The following PTPRT variants were observed in gnomAD, a reference collection of about 807,000 sequenced individuals.
PTPRT encodes receptor-type tyrosine-protein phosphatase T.
Under a neutral mutation model 176.8 loss-of-function variants are expected in PTPRT, and 56 were observed. That is an observed-to-expected ratio of 0.32 (90% CI 0.26 to 0.40). PTPRT has a LOEUF of 0.40. Among genes scored for constraint, PTPRT ranks in the 10% least tolerant of loss-of-function variants. The pLI is 1.00. For missense variants in PTPRT, 1,540 were observed against 1,908.2 expected, an observed-to-expected ratio of 0.81 and a Z score of 3.60; for synonymous variants, 783 against 739.0, an observed-to-expected ratio of 1.06 and a Z score of -0.96.
chr20:42,201,057 G>A (rs1481373240), intron 15 of PTPRT, among the ~76,000 whole-genome samples: 1 of 152,252 alleles, frequency 6.6e-6, no homozygotes, highest in Non-Finnish European at 1.5e-5. Context: ...GCTCATGCCT[G>A]TAATCCCAGC....
chr20:42,584,399 C>G (rs565280609), intron 7 of PTPRT, among the ~76,000 whole-genome samples: 1 of 152,154 alleles, frequency 6.6e-6, no homozygotes, highest in East Asian at 1.9e-4. Flanking sequence ...TCCCACCTCA[C>G]GGCATTTGCA....
At chr20:43,091,189 C>T (rs575710041) in intron 1 of PTPRT, among the ~76,000 whole-genome samples, 2 of 151,984 alleles carry the variant, frequency 1.3e-5, no homozygotes, top group Non-Finnish European at 2.9e-5. Context: ...GCCAAGATGG[C>T]GCCACTGCAC....
At position 42,294,499 on chromosome 20, in the gene PTPRT, A is replaced by G. The variant is rs2057360384; in HGVS notation, c.2140-11974T>C. Among the ~76,000 whole-genome samples the G allele has an allele frequency of 2.0e-5, 3 of 152,120 alleles. No homozygotes were observed. The South Asian group carries it at 6.2e-4, about 31-fold the overall frequency. On this transcript the variant is annotated intron_variant, in intron 12 of 30. Transcript: ENST00000373187. ...CCATTCCCTATGACATACACACAAA[A>G]TCATCGACTGAAAAAAATACCTGTA...
At chr20:42,649,901 T>A (rs2074998234) in intron 7 of PTPRT, among the ~76,000 whole-genome samples, 1 of 152,072 alleles carries the variant, frequency 6.6e-6, no homozygotes, top group South Asian at 2.1e-4. Context: ...TTGCCTCAGG[T>A]CTATGTTATC....
At chr20:43,030,099 C>A (rs1271344320) in intron 1 of PTPRT, among the ~76,000 whole-genome samples, 2 of 152,194 alleles carry the variant, frequency 1.3e-5, no homozygotes, top group African/African-American at 2.4e-5. Flanking sequence ...CTTCCTTTTT[C>A]TCTTTTTTTC....
intron 27 of PTPRT, among the ~76,000 whole-genome samples, chr20:42,097,854 G>A (rs1425626444): frequency 1.3e-5 from 2 of 152,234 alleles, no homozygotes; most frequent in African/African-American, 4.8e-5. Context: ...TGAGTATGGG[G>A]ATATGCTGTA....
intron 1 of PTPRT, among the ~76,000 whole-genome samples, chr20:43,041,676 G>A (rs1325730947): frequency 6.6e-6 from 1 of 152,226 alleles, no homozygotes; most frequent in African/African-American, 2.4e-5. Flanking sequence ...AGCAAATGTG[G>A]TGTTTACTGT....
rs1467854201 is a variant in PTPRT, at chr20:42,077,094, C to A, written c.*3785G>T. On this transcript the variant is annotated 3_prime_UTR_variant, in exon 31 of 31. Transcript: ENST00000373187. Reference sequence around the variant, plus strand: ...TCAGTAAATGGTGACAATCACAAACCCTCCTTTAGAATGCTGGAAGAATTT... The same window carrying A: ...TCAGTAAATGGTGACAATCACAAACACTCCTTTAGAATGCTGGAAGAATTT... 1.6e-5 allele frequency: 3 copies of A among 182,724 alleles called. No individual in the cohort carries two copies. The highest frequency in any genetic ancestry group is 3.5e-5 in the Non-Finnish European group (3 of 85,916). 11.3% of individuals were successfully genotyped at this position (182,724 alleles called of 1,614,324 possible).
At chr20:42,474,649 C>A (rs2071255833) in intron 7 of PTPRT, among the ~76,000 whole-genome samples, 1 of 152,172 alleles carries the variant, frequency 6.6e-6, no homozygotes, top group African/African-American at 2.4e-5. Flanking sequence ...AATGTGGTCC[C>A]TGTAGCTGGG....
the PTPRT span, chr20:42,063,653 G>T: frequency 6.6e-6 from 1 of 152,106 alleles, no homozygotes; most frequent in Non-Finnish European, 1.5e-5. Flanking sequence ...TTCTTAATCA[G>T]GTAAAGCATT....
At chr20:43,013,625 C>T (rs1467060079) in intron 1 of PTPRT, among the ~76,000 whole-genome samples, 3 of 152,178 alleles carry the variant, frequency 2.0e-5, no homozygotes, top group Non-Finnish European at 4.4e-5. Context: ...ACAGAGACAA[C>T]AGCAATTCAC....
chr20:42,996,092 T>C (rs898088050), intron 1 of PTPRT, among the ~76,000 whole-genome samples: 2 of 152,144 alleles, frequency 1.3e-5, no homozygotes, highest in Non-Finnish European at 2.9e-5. Flanking sequence ...CATGTCATGG[T>C]AGAACACAGG....
intron 2 of PTPRT, among the ~76,000 whole-genome samples, chr20:42,852,046 C>T (rs1227041060): frequency 1.3e-5 from 2 of 152,156 alleles, no homozygotes; most frequent in African/African-American, 4.8e-5. Context: ...ATTTCACTAG[C>T]CACTAAATTG....
Position 43,189,778 on chromosome 20 carries a change from G to A in PTPRT, c.-45C>T. 2 of 1,071,846 alleles carry A rather than the reference G, an allele frequency of 1.9e-6. No individual in the cohort carries two copies. Among genetic ancestry groups the A allele is most frequent in the Non-Finnish European group, 2.3e-6 (2 of 877,740 alleles). 66.4% of individuals were successfully genotyped at this position (1,071,846 alleles called of 1,614,324 possible). A position where few individuals can be genotyped will look rare whatever the true frequency, so the allele number is the denominator to read the frequency against. The stretch of plus-strand genomic sequence containing the variant: ...TCAGCCCCTTCCCGCGGGGGCCGGG[G>A]CCGGGACTGGGGCGGGCGCGGGGTG... On this transcript the variant is annotated 5_prime_UTR_variant, in exon 1 of 31. Coordinates refer to ENST00000373187, the MANE Select transcript of PTPRT (RefSeq NM_007050.6). This position sits in a 1 kb window ranked among gnomAD's most constrained non-coding sequence, Gnocchi z 5.0.
chr20:42,435,579 C>G (rs932156101), intron 9 of PTPRT, among the ~76,000 whole-genome samples: 2 of 152,082 alleles, frequency 1.3e-5, no homozygotes, highest in Non-Finnish European at 2.9e-5. Flanking sequence ...GTCTTTCAGA[C>G]CTAAGGTAGC....
intron 1 of PTPRT, among the ~76,000 whole-genome samples, chr20:43,105,567 A>G (rs2012569712): frequency 6.6e-6 from 1 of 152,038 alleles, no homozygotes; most frequent in African/African-American, 2.4e-5. Flanking sequence ...TACCTGGCTA[A>G]TTTTTGTATT....
intron 22 of PTPRT, among the ~76,000 whole-genome samples, chr20:42,110,998 C>T (rs557170512): frequency 6.6e-6 from 1 of 152,286 alleles, no homozygotes; most frequent in African/African-American, 2.4e-5. Context: ...GTACTGACTT[C>T]TTTATTAAGT....
intron 6 of PTPRT, among the ~76,000 whole-genome samples, chr20:42,702,670 T>C (rs1414930260): frequency 6.6e-6 from 1 of 152,140 alleles, no homozygotes; most frequent in Non-Finnish European, 1.5e-5. Flanking sequence ...ATTGTAAAGA[T>C]CCACAGCCCT....
chr20:42,266,818 C>T (rs1282640887), intron 13 of PTPRT, among the ~76,000 whole-genome samples: 1 of 152,176 alleles, frequency 6.6e-6, no homozygotes, highest in Non-Finnish European at 1.5e-5. Context: ...ACCTCTTGAT[C>T]TGCACTGCCC....
Sources: allele counts gnomAD v4.1 joint callset (sites outside exome capture counted in the v4.1 genomes callset), GRCh38; gene constraint gnomAD v4.1.1; non-coding constraint Gnocchi (gnomAD v3.1); transcripts MANE v1.5; gene names NCBI Gene and HGNC (gene_info 2026-07-23, HGNC 2026-07-21).